KAZN: variants seen among roughly 807,000 people sequenced by gnomAD.
KAZN encodes kazrin.
A neutral mutation model predicts 87.4 loss-of-function variants in KAZN; 40 were observed. That is an observed-to-expected ratio of 0.46 (90% CI 0.36 to 0.60). The LOEUF is 0.60. KAZN is among the 20% of genes least tolerant of loss of function. The pLI, the probability that KAZN is intolerant of heterozygous loss-of-function variation, is 0.00. For synonymous variants in KAZN, 466 were observed against 458.3 expected, an observed-to-expected ratio of 1.02 and a Z score of -0.22; for missense variants, 898 against 1,073.9, an observed-to-expected ratio of 0.84 and a Z score of 2.29.
chr1:14,913,951 G>A (rs1402746779), intron 1 of KAZN, among the ~76,000 whole-genome samples: 2 of 152,214 alleles, frequency 1.3e-5, no homozygotes, highest in Non-Finnish European at 2.9e-5. Flanking sequence ...GATGGAGGAG[G>A]GGATGTTACA....
chr1:14,210,475 T>G (rs990397409), intron 2 of KAZN, among the ~76,000 whole-genome samples: 6 of 152,190 alleles, frequency 3.9e-5, no homozygotes, highest in Admixed American at 2.6e-4. Flanking sequence ...GGATGCCTGC[T>G]ACAGTGGAGG....
At chr1:14,185,103 G>A (rs1287481264) in intron 2 of KAZN, among the ~76,000 whole-genome samples, 1 of 152,108 alleles carries the variant, frequency 6.6e-6, no homozygotes, top group Non-Finnish European at 1.5e-5. Flanking sequence ...ACATCAGAAG[G>A]ATCCTGGGCT....
chr1:14,977,633 A>ACACT (rs1665782764), intron 2 of KAZN, among the ~76,000 whole-genome samples: 1 of 152,364 alleles, frequency 6.6e-6, no homozygotes, highest in East Asian at 1.9e-4. Context: ...GAGGAAAGGC[A>ACACT]CACTTTTTTC....
intron 2 of KAZN, among the ~76,000 whole-genome samples, chr1:14,380,220 G>A (rs545100076): frequency 1.3e-5 from 2 of 152,162 alleles, no homozygotes; most frequent in African/African-American, 2.4e-5. Context: ...AAGTCATTTT[G>A]AAAACCTGGA....
At chr1:14,053,508 T>C (rs953202418) in intron 1 of KAZN, among the ~76,000 whole-genome samples, 2 of 152,172 alleles carry the variant, frequency 1.3e-5, no homozygotes, top group African/African-American at 2.4e-5. Context: ...ACTAAGGCAG[T>C]TGGTATCACA....
chr1:14,133,935 A>G (rs1409771737), intron 1 of KAZN, among the ~76,000 whole-genome samples: 1 of 152,200 alleles, frequency 6.6e-6, no homozygotes, highest in East Asian at 1.9e-4. Context: ...GGAGCAGTCT[A>G]GAGTGGACGT....
At chr1:14,517,502 A>G (rs919396860) in intron 2 of KAZN, among the ~76,000 whole-genome samples, 1 of 152,182 alleles carries the variant, frequency 6.6e-6, no homozygotes, top group Non-Finnish European at 1.5e-5. Context: ...TTCCAACCAA[A>G]AGGTTAATGC....
At chr1:14,050,180 A>G (rs1642264228) in intron 1 of KAZN, among the ~76,000 whole-genome samples, 1 of 150,522 alleles carries the variant, frequency 6.6e-6, no homozygotes, top group South Asian at 2.1e-4. Context: ...GTGTGTGCGC[A>G]CATGTGTGTA....
chr1:14,492,746 CCACATGTGCACACACAT>C (rs1481234216), intron 2 of KAZN, among the ~76,000 whole-genome samples: 2 of 146,608 alleles, frequency 1.4e-5, no homozygotes, highest in African/African-American at 2.5e-5. Context: ...AGCACACACA[CCACATGTGCACACACAT>C]CACACACACC....
intron 2 of KAZN, among the ~76,000 whole-genome samples, chr1:14,357,361 T>C (rs1659122152): frequency 6.6e-6 from 1 of 152,234 alleles, no homozygotes; most frequent in African/African-American, 2.4e-5. Flanking sequence ...AATCATGTCA[T>C]CTGCAAACAG....
Position 14,881,399 on chromosome 1 carries a change from A to G in KAZN, c.227-79285A>G, listed in dbSNP as rs549530728. ...GGTGGGGTGAGGAAGAGAAGTGGAA[A>G]TCATTTGAGGCTACTAAGGCACAAG... On this transcript the variant is annotated intron_variant, in intron 1 of 14. Transcript: ENST00000376030. Among the ~76,000 whole-genome samples the G allele has an allele frequency of 2.2e-4, 34 of 152,326 alleles. 1 individual carries two copies. The highest frequency in any genetic ancestry group is 7.7e-4 in the African/African-American group (32 of 41,576).
chr1:14,478,824 G>A (rs1668916701), intron 2 of KAZN, among the ~76,000 whole-genome samples: 1 of 152,182 alleles, frequency 6.6e-6, no homozygotes, highest in Non-Finnish European at 1.5e-5. Context: ...GTGTGTCCTG[G>A]TTTGGATTTC....
chr1:14,898,172 A>G (rs1655467268), intron 1 of KAZN, among the ~76,000 whole-genome samples: 1 of 152,170 alleles, frequency 6.6e-6, no homozygotes, highest in Admixed American at 6.5e-5. Context: ...TCCTTTCCCC[A>G]AGGTTCCTTC....
At chr1:14,911,636 A>C (rs1471975346) in intron 1 of KAZN, among the ~76,000 whole-genome samples, 3 of 152,094 alleles carry the variant, frequency 2.0e-5, no homozygotes, top group Non-Finnish European at 2.9e-5. Context: ...GCTGGCACTG[A>C]TGGTGCAGCT....
intron 1 of KAZN, among the ~76,000 whole-genome samples, chr1:14,140,918 C>T (rs1645221657): frequency 6.6e-6 from 1 of 152,176 alleles, no homozygotes; most frequent in Non-Finnish European, 1.5e-5. Flanking sequence ...ATGATGCTCA[C>T]AGACCGATGC....
intron 1 of KAZN, among the ~76,000 whole-genome samples, chr1:14,113,110 C>G (rs1414627773): frequency 6.6e-6 from 1 of 151,110 alleles, no homozygotes; most frequent in Non-Finnish European, 1.5e-5. Flanking sequence ...AGATTTGTCT[C>G]TAGGAGGTGC....
rs539021474 is a variant in KAZN at position 14,692,365 on chromosome 1, C to T, written c.226+93142C>T. ...TCGATCTTTTCTTCTTGTTATTTTG[C>T]TTCTTTTCCATACGTCAGTTTTTCT... On this transcript the variant is annotated intron_variant, in intron 1 of 14. Coordinates refer to ENST00000376030, the MANE Select transcript of KAZN (RefSeq NM_201628.3). 2.6e-5 allele frequency: 9 copies of T among 341,498 alleles called. No homozygotes were observed. The East Asian group carries it at 3.8e-4, about 14-fold the overall frequency. 21.2% of individuals were successfully genotyped at this position (341,498 alleles called of 1,614,324 possible).
At chr1:14,160,270 G>C (rs891387875) in intron 1 of KAZN, among the ~76,000 whole-genome samples, 1 of 152,172 alleles carries the variant, frequency 6.6e-6, no homozygotes, top group African/African-American at 2.4e-5. Flanking sequence ...TTCCCTTCTG[G>C]CTAGGCTGGT....
At chr1:14,500,684 A>G (rs1275634388) in intron 2 of KAZN, among the ~76,000 whole-genome samples, 1 of 152,182 alleles carries the variant, frequency 6.6e-6, no homozygotes, top group Non-Finnish European at 1.5e-5. Context: ...AAGATCAACA[A>G]GATTGATAAC....
Sources: gnomAD v4.1 joint callset for allele counts (sites outside exome capture counted in the v4.1 genomes callset) on GRCh38, gnomAD v4.1.1 for gene constraint, MANE v1.5 for transcripts, NCBI Gene and HGNC (gene_info 2026-07-23, HGNC 2026-07-21) for gene names.